Variants in CDH18 observed in about 807,000 individuals in gnomAD.
CDH18 encodes the protein cadherin-18.
In CDH18, 31 loss-of-function variants were observed where a neutral mutation model predicts 67.9. The observed-to-expected ratio is 0.46, with a 90% confidence interval of 0.34 to 0.62. The LOEUF (loss-of-function observed/expected upper bound fraction) is 0.62. CDH18 is among the 20% of genes least tolerant of loss of function. CDH18 has a pLI of 0.01. For synonymous variants in CDH18, 362 were observed against 347.2 expected, an observed-to-expected ratio of 1.04 and a Z score of -0.48; for missense variants, 890 against 975.5, an observed-to-expected ratio of 0.91 and a Z score of 1.17.
intron 2 of CDH18, among the ~76,000 whole-genome samples, chr5:19,942,946 C>T (rs560078555): frequency 2.6e-5 from 4 of 152,236 alleles, no homozygotes; most frequent in Non-Finnish European, 5.9e-5. Context: ...TGACCCATGT[C>T]GGGGGCTAAG....
intron 1 of CDH18, among the ~76,000 whole-genome samples, chr5:19,983,459 C>G (rs556871973): frequency 6.6e-6 from 1 of 152,268 alleles, no homozygotes; most frequent in South Asian, 2.1e-4. Context: ...CTATCATATT[C>G]CATGTGTTTT....
In CDH18 at chr5:20,501,546, TTATATATATAA is replaced by T. The variant is rs1296493632; in HGVS notation, c.-580+73905_-580+73915del. On this transcript the variant is annotated intron_variant, in intron 1 of 14. Coordinates refer to the CDH18 transcript ENST00000507958. Reference sequence around the variant, plus strand: ...ACATATTATATATATTATATACATATTATATATATAATATATATATATAATATATATATATT... The same window carrying T: ...ACATATTATATATATTATATACATATTATATATATATAATATATATATATT... Among the ~76,000 whole-genome samples the T allele has an allele frequency of 0.01, 239 of 23,114 alleles. 5 individuals carry two copies. In the East Asian group the frequency reaches 0.13, roughly 12 times the overall value. 15.2% of individuals were successfully genotyped at this position (23,114 alleles called of 152,430 possible). A position where few individuals can be genotyped will look rare whatever the true frequency, so the allele number is the denominator to read the frequency against.
Position 20,432,781 on chromosome 5 carries a change from G to T in CDH18, c.-580+142681C>A, listed in dbSNP as rs185946649. On this transcript the variant is annotated intron_variant, in intron 1 of 14. Coordinates refer to the CDH18 transcript ENST00000507958. ...AACTGCTTCTTTAAAGGCTTTAAAG[G>T]CCTAATACAGTTGCATTCTGGGGTA... Among the ~76,000 whole-genome samples, 46 of 151,674 alleles carry T rather than the reference G, an allele frequency of 3.0e-4. No homozygotes were observed. In the East Asian group the frequency reaches 7.2e-3, roughly 24 times the overall value.
chr5:19,943,722 C>T (rs1795042819), intron 2 of CDH18, among the ~76,000 whole-genome samples: 1 of 151,748 alleles, frequency 6.6e-6, no homozygotes, highest in African/African-American at 2.4e-5. Flanking sequence ...GACACCTGAC[C>T]CTTTAGAGTA....
chr5:20,198,057 A>T (rs1477971591), intron 2 of CDH18, among the ~76,000 whole-genome samples: 1 of 152,096 alleles, frequency 6.6e-6, no homozygotes, highest in Non-Finnish European at 1.5e-5. Context: ...TGCCACCCTG[A>T]TTGTAAGTTT....
chr5:20,374,618 A>G (rs1026496012), intron 1 of CDH18, among the ~76,000 whole-genome samples: 1 of 152,200 alleles, frequency 6.6e-6, no homozygotes, highest in African/African-American at 2.4e-5. Flanking sequence ...GACCAATTCA[A>G]TATAAACCAG....
At chr5:20,239,593 A>G (rs1260362097) in intron 2 of CDH18, among the ~76,000 whole-genome samples, 1 of 152,212 alleles carries the variant, frequency 6.6e-6, no homozygotes, top group Non-Finnish European at 1.5e-5. Flanking sequence ...GCTTTTTCAG[A>G]TAGTGAAAAT....
chr5:20,047,284 A>T (rs112435605), intron 2 of CDH18, among the ~76,000 whole-genome samples: 2 of 151,892 alleles, frequency 1.3e-5, no homozygotes, highest in African/African-American at 4.8e-5. Context: ...TATATGGTGA[A>T]CATCAATAAA....
intron 1 of CDH18, among the ~76,000 whole-genome samples, chr5:20,518,176 A>G (rs1343169757): frequency 2.0e-5 from 3 of 152,100 alleles, no homozygotes; most frequent in East Asian, 1.9e-4. Flanking sequence ...GGGAAAATCA[A>G]TGAGACAATA....
At chr5:19,987,403 A>C (rs1038590327) in intron 1 of CDH18, among the ~76,000 whole-genome samples, 14 of 152,162 alleles carry the variant, frequency 9.2e-5, no homozygotes, top group African/African-American at 3.1e-4. Context: ...GTTAACAAAC[A>C]TAAATAAAGT....
intron 2 of CDH18, among the ~76,000 whole-genome samples, chr5:20,169,776 C>T (rs4392626): frequency 0.58 from 88,587 of 151,806 alleles, 25,903 homozygotes; most frequent in Middle Eastern, 0.69. Flanking sequence ...ATTAACTTTT[C>T]AATTGGAGAA....
At chr5:20,056,338 A>G (rs1741920404) in intron 2 of CDH18, among the ~76,000 whole-genome samples, 1 of 140,438 alleles carries the variant, frequency 7.1e-6, no homozygotes, top group Admixed American at 7.2e-5. Context: ...CCACATTTTC[A>G]AAAAAAAAAA....
chr5:20,164,557 G>T (rs1465255401), intron 2 of CDH18, among the ~76,000 whole-genome samples: 1 of 152,100 alleles, frequency 6.6e-6, no homozygotes, highest in Admixed American at 6.5e-5. Flanking sequence ...TTACAGGTGT[G>T]AGCCATCGCA....
chr5:20,151,645 C>T (rs182119401), intron 2 of CDH18, among the ~76,000 whole-genome samples: 134 of 152,230 alleles, frequency 8.8e-4, no homozygotes, highest in African/African-American at 3.1e-3. Flanking sequence ...TCTCCAGCAT[C>T]TGTTGTTTTG....
At chr5:20,272,718 T>G (rs1418314439) in intron 1 of CDH18, among the ~76,000 whole-genome samples, 1 of 152,016 alleles carries the variant, frequency 6.6e-6, no homozygotes, top group African/African-American at 2.4e-5. Context: ...TCCATTCATT[T>G]TTTTCCCTCT....
chr5:19,803,662 T>A (rs1777701271), intron 3 of CDH18, among the ~76,000 whole-genome samples: 1 of 152,210 alleles, frequency 6.6e-6, no homozygotes, highest in Non-Finnish European at 1.5e-5. Context: ...GGTAATCCAG[T>A]AAGACGCAAA....
intron 1 of CDH18, among the ~76,000 whole-genome samples, chr5:20,504,048 A>T (rs907574049): frequency 2.0e-5 from 3 of 151,946 alleles, no homozygotes; most frequent in African/African-American, 7.3e-5. Context: ...GAAAAAAAAA[A>T]AAAGAGAGAG....
intron 5 of CDH18, among the ~76,000 whole-genome samples, chr5:19,653,731 C>T (rs549934445): frequency 6.6e-6 from 1 of 152,170 alleles, no homozygotes; most frequent in Non-Finnish European, 1.5e-5. Flanking sequence ...CTTTCTGTCT[C>T]TTCCACCATA....
intron 5 of CDH18, among the ~76,000 whole-genome samples, chr5:19,716,305 T>C (rs1162870517): frequency 1.3e-5 from 2 of 152,132 alleles, no homozygotes; most frequent in Admixed American, 6.6e-5. Flanking sequence ...AGTAGTATTC[T>C]AGAATTTGAA....
Sources: gnomAD v4.1 joint callset for allele counts (sites outside exome capture counted in the v4.1 genomes callset) on GRCh38, gnomAD v4.1.1 for gene constraint, MANE v1.5 for transcripts, NCBI Gene and HGNC (gene_info 2026-07-23, HGNC 2026-07-21) for gene names.